The following DOCK10 variants were observed in gnomAD, a reference collection of about 807,000 sequenced individuals.
DOCK10 encodes the protein dedicator of cytokinesis protein 10.
In DOCK10, 145 loss-of-function variants were observed where a neutral mutation model predicts 280.1. That is an observed-to-expected ratio of 0.52 (90% CI 0.45 to 0.59). The LOEUF is 0.59. Ranked by LOEUF, DOCK10 falls within the 20% of genes least tolerant of loss-of-function variation. The pLI, the probability that DOCK10 is intolerant of heterozygous loss-of-function variation, is 0.00. For synonymous variants in DOCK10, 915 were observed against 942.2 expected (o/e 0.97, Z 0.53); for missense variants, 2,368 against 2,651.7 (o/e 0.89, Z 2.35).
At chr2:224,967,303 A>G (rs868479482) in intron 1 of DOCK10, among the ~76,000 whole-genome samples, 1 of 152,050 alleles carries the variant, frequency 6.6e-6, no homozygotes, top group African/African-American at 2.4e-5. Flanking sequence ...GATGGTCTTT[A>G]TCTCCTGACC....
intron 44 of DOCK10, among the ~76,000 whole-genome samples, chr2:224,795,514 A>G (rs747635161): frequency 5.9e-5 from 9 of 152,202 alleles, no homozygotes; most frequent in Non-Finnish European, 5.9e-5. Flanking sequence ...TTAAGCTTGG[A>G]TCAAAGAGAT....
At chr2:224,986,188 A>C (rs377571) in intron 1 of DOCK10, among the ~76,000 whole-genome samples, 96,308 of 152,046 alleles carry the variant, frequency 0.63, 30,794 homozygotes, top group Non-Finnish European at 0.63. Flanking sequence ...TACACGGAAA[A>C]CTACTGCTGC....
intron 1 of DOCK10, among the ~76,000 whole-genome samples, chr2:225,041,026 T>C (rs78187213): frequency 2.5e-4 from 38 of 152,108 alleles, no homozygotes; most frequent in Non-Finnish European, 4.1e-4. Flanking sequence ...CACCAATTCG[T>C]TTCACACTCC....
intron 1 of DOCK10, among the ~76,000 whole-genome samples, chr2:224,958,072 G>A (rs1314662244): frequency 6.6e-6 from 1 of 152,202 alleles, no homozygotes; most frequent in East Asian, 1.9e-4. Flanking sequence ...CTCTGGAAAT[G>A]AGTCTCCTTA....
chr2:224,782,864 A>C (rs560848480), intron 50 of DOCK10, among the ~76,000 whole-genome samples: 1 of 152,352 alleles, frequency 6.6e-6, no homozygotes, highest in East Asian at 1.9e-4. Context: ...TAAGTTTTAC[A>C]GGGACATAAA....
At chr2:224,941,197 C>CT (rs545063311) in intron 1 of DOCK10, among the ~76,000 whole-genome samples, 18,414 of 140,708 alleles carry the variant, frequency 0.13, 1,332 homozygotes, top group Admixed American at 0.2. Context: ...CATTACTGCT[C>CT]TTTTTTTTTT....
At chr2:224,850,094 C>G (rs1574934816) in intron 18 of DOCK10, among the ~76,000 whole-genome samples, 1 of 152,106 alleles carries the variant, frequency 6.6e-6, no homozygotes, top group Non-Finnish European at 1.5e-5. Context: ...AAATCACACT[C>G]CCCCCAGTAC....
In DOCK10 at chr2:224,911,336, T is replaced by C. The variant is rs568923055; in HGVS notation, c.333+5359A>G. On this transcript the variant is annotated intron_variant, in intron 3 of 55. Transcript: ENST00000258390. ...ACATTCTCAGAGAACTACGGATAGA[T>C]GAAAAGATCTATCTGGACATTTGAA... 1.2e-4 allele frequency among the ~76,000 whole-genome samples: 18 copies of C among 152,312 alleles called. No individual in the cohort carries two copies. The South Asian group carries it at 3.1e-3, about 26-fold the overall frequency.
intron 7 of DOCK10, among the ~76,000 whole-genome samples, chr2:224,878,612 C>T (rs936081230): frequency 6.6e-6 from 1 of 152,162 alleles, no homozygotes; most frequent in South Asian, 2.1e-4. Context: ...AGTGGGGCAA[C>T]ACATAGTCTT....
chr2:224,839,508 A>T (rs541778352), intron 24 of DOCK10, among the ~76,000 whole-genome samples: 1 of 152,342 alleles, frequency 6.6e-6, no homozygotes, highest in South Asian at 2.1e-4. Flanking sequence ...ACATCGTGGA[A>T]TACTACTCTG....
At position 224,789,924 on chromosome 2, in the gene DOCK10, G is replaced by A. The variant is rs1461065618; in HGVS notation, c.5312-754C>T. On this transcript the variant is annotated intron_variant, in intron 47 of 55. Transcript: ENST00000258390. ...GCCTCCTGAGTAGCTGGCATTACAG[G>A]TGCCCGCCACCACGCCCAGCTAATT... Among the ~76,000 whole-genome samples the A allele has an allele frequency of 3.3e-5, 5 of 152,078 alleles. 1 individual carries two copies. Among genetic ancestry groups the A allele is most frequent in the African/African-American group, 1.2e-4 (5 of 41,402 alleles).
At position 224,961,454 on chromosome 2, in the gene DOCK10, CTTTCTTTCTTTCTT is replaced by C. The variant is rs1466301734; in HGVS notation, c.124-29800_124-29787del. 3.4e-3 allele frequency among the ~76,000 whole-genome samples: 444 copies of C among 129,638 alleles called. 3 individuals are homozygous for C. The highest frequency in any genetic ancestry group is 7.6e-3 in the Middle Eastern group (2 of 262). The allele number at this position is 129,638 out of a possible 152,430, so 85.0% of individuals were successfully genotyped here. ...TCTTTCTTTCTTTCTTTCTTTCTTTCTTTCTTTCTTTCTTTTTCTTTCTTTCTTTCTCTTTCTTT... is the reference window on the plus strand; with the variant it reads ...TCTTTCTTTCTTTCTTTCTTTCTTTCTTTCTTTCTTTCTTTCTCTTTCTTT... On this transcript the variant is annotated intron_variant, in intron 1 of 55. Transcript: ENST00000258390.
intron 1 of DOCK10, among the ~76,000 whole-genome samples, chr2:225,002,974 G>T (rs866006348): frequency 6.6e-6 from 1 of 152,304 alleles, no homozygotes; most frequent in African/African-American, 2.4e-5. Flanking sequence ...GAAATGACCA[G>T]GGTAAATTCT....
intron 50 of DOCK10, among the ~76,000 whole-genome samples, chr2:224,778,811 A>C: frequency 6.6e-6 from 1 of 152,238 alleles, no homozygotes; most frequent in Non-Finnish European, 1.5e-5. Context: ...TAGTTGTCGT[A>C]ACAGAAATTA....
At chr2:224,804,062 C>T (rs1693206200) in intron 39 of DOCK10, 50 bp downstream of exon 39, 3 of 1,101,246 alleles carry the variant, frequency 2.7e-6, no homozygotes, top group Non-Finnish European at 4.1e-6. Flanking sequence ...TATACAGACA[C>T]ACACACACAG....
Position 224,799,157 on chromosome 2 carries a change from A to C in DOCK10, c.4506+994T>G, listed in dbSNP as rs543457954. Among the ~76,000 whole-genome samples, 12 of 152,170 alleles carry C rather than the reference A, an allele frequency of 7.9e-5. No individual in the cohort carries two copies. In the South Asian group the frequency reaches 2.5e-3, roughly 32 times the overall value. ...AAAGTTTTTAAATACTTTTTTTTGT[A>C]ATTCCTTCCTCCCATCCTTCCTCCA... is the stretch of plus-strand genomic sequence containing the variant. On this transcript the variant is annotated intron_variant, in intron 41 of 55. Coordinates refer to ENST00000258390, the MANE Select transcript of DOCK10 (RefSeq NM_014689.3).
At chr2:224,914,173 C>T (rs980441631) in intron 3 of DOCK10, among the ~76,000 whole-genome samples, 2 of 152,150 alleles carry the variant, frequency 1.3e-5, no homozygotes, top group Non-Finnish European at 2.9e-5. Flanking sequence ...GGCCACTCTT[C>T]CCCAGAGACT....
chr2:224,840,089 G>A lies in DOCK10; in HGVS notation c.2662-17C>T, dbSNP rs1273244057. Reference sequence around the variant, plus strand: ...CAATAAGTTCTGTAGTAAATTGGCAGAAAAAAAGGATACCAATTAAATTTG... The same window carrying A: ...CAATAAGTTCTGTAGTAAATTGGCAAAAAAAAAGGATACCAATTAAATTTG... On this transcript the variant is annotated splice_polypyrimidine_tract_variant and intron_variant, in intron 23 of 55. Transcript: ENST00000258390. The A allele has an allele frequency of 1.4e-5, 17 of 1,206,018 alleles. No individual in the cohort carries two copies. Among genetic ancestry groups the A allele is most frequent in the Admixed American group, 8.9e-5 (4 of 44,704 alleles). 74.7% of individuals were successfully genotyped at this position (1,206,018 alleles called of 1,614,324 possible). A position where few individuals can be genotyped will look rare whatever the true frequency, so the allele number is the denominator to read the frequency against.
intron 25 of DOCK10, among the ~76,000 whole-genome samples, chr2:224,836,508 A>C (rs753219093): frequency 5.7e-4 from 87 of 152,330 alleles, no homozygotes; most frequent in Middle Eastern, 6.8e-3. Context: ...GGATATAAAA[A>C]CTGTAATGAA....
Sources: gnomAD v4.1 joint callset for allele counts (sites outside exome capture counted in the v4.1 genomes callset) on GRCh38, gnomAD v4.1.1 for gene constraint, MANE v1.5 for transcripts, NCBI Gene and HGNC (gene_info 2026-07-23, HGNC 2026-07-21) for gene names.